The following ZNF723 variants were observed in gnomAD, a reference collection of about 807,000 sequenced individuals.
ZNF723 encodes zinc finger protein 723.
Under a neutral mutation model 9.4 loss-of-function variants are expected in ZNF723, and 5 were observed. That is an observed-to-expected ratio of 0.53 (90% CI 0.28 to 1.12). The LOEUF is 1.12. Ranked by LOEUF, ZNF723 falls within the 50% of genes most tolerant of loss-of-function variation. The pLI is 0.10. For missense variants in ZNF723, 450 were observed against 501.5 expected, an observed-to-expected ratio of 0.90 and a Z score of 0.98; for synonymous variants, 158 against 168.8, an observed-to-expected ratio of 0.94 and a Z score of 0.49.
chr19:22,826,569 C>T, the ZNF723 span, among the ~76,000 whole-genome samples: 72 of 152,204 alleles, frequency 4.7e-4, no homozygotes, highest in Non-Finnish European at 2.1e-4. Context: ...CACTCTCTCA[C>T]ATGGACACAG....
intron 1 of ZNF723, among the ~76,000 whole-genome samples, 156 bp from the exon 2 acceptor site, chr19:22,848,102 TAAA>T (rs35396612): frequency 3.4e-4 from 47 of 137,222 alleles, no homozygotes; most frequent in Non-Finnish European, 4.8e-4. Flanking sequence ...GACTCTGTCT[TAAA>T]AAAAAAAAAA....
At chr19:22,813,595 G>A in the ZNF723 span, among the ~76,000 whole-genome samples, 3 of 151,834 alleles carry the variant, frequency 2.0e-5, no homozygotes, top group Non-Finnish European at 4.4e-5. Flanking sequence ...ACAAAAATTA[G>A]TCAGGCATTG....
Position 22,857,135 on chromosome 19 carries a change from G to A in ZNF723, c.244G>A (p.Ala82Thr). Residue 82 changes from alanine to threonine, a missense_variant, in exon 4 of 4, where the codon GCC becomes ACC. Physicochemically the swap from Ala to Thr is moderately conservative, Grantham distance 58 (BLOSUM62 0). Coordinates refer to ENST00000600766, the MANE Select transcript of ZNF723 (RefSeq NM_001349726.2). The part of the protein sequence containing the change: ...AKPPVVCSHF[A>T]QDLWPEQGIK... ...TTTTTCAGTTGTGTGTTCTCATTTT[G>A]CCCAAGACCTTTGGCCAGAGCAGGG... The A allele has an allele frequency of 1.0e-6, 1 of 985,656 alleles. No homozygotes were observed. Among genetic ancestry groups the A allele is most frequent in the Non-Finnish European group, 1.5e-6 (1 of 666,486 alleles). The allele number at this position is 985,656 out of a possible 1,614,324, so 61.1% of individuals were successfully genotyped here.
rs1477106889 is a variant in ZNF723, at chr19:22,842,220, G to A, written c.4-6041G>A. On this transcript the variant is annotated intron_variant, in intron 1 of 3. Transcript: ENST00000600766. Reference sequence around the variant, plus strand: ...GGGTTTCACTGTGTTGGCCAGGCTGGTGTTGAACTCTTGACCTCAGGTGAT... The same window carrying A: ...GGGTTTCACTGTGTTGGCCAGGCTGATGTTGAACTCTTGACCTCAGGTGAT... 2.0e-5 allele frequency among the ~76,000 whole-genome samples: 3 copies of A among 152,138 alleles called. No individual in the cohort carries two copies. In the South Asian group the frequency reaches 6.2e-4, roughly 32 times the overall value.
rs899546981 is a variant in ZNF723, at chr19:22,858,150, C to T, written c.1259C>T (p.Thr420Ile). The T allele has an allele frequency of 9.1e-6, 13 of 1,422,090 alleles. No homozygotes were observed. In the African/African-American group the frequency reaches 1.5e-4, roughly 17 times the overall value. 88.1% of individuals were successfully genotyped at this position (1,422,090 alleles called of 1,614,324 possible). A position where few individuals can be genotyped will look rare whatever the true frequency, so the allele number is the denominator to read the frequency against. ...CTTACTACACATAAGATAATTCATA[C>T]TGGAGAAAGACCTTACAAATGTAAA... The part of the protein sequence containing the change: ...SALTTHKIIH[T>I]GERPYKCKQC... Residue 420 changes from threonine (T) to isoleucine (I), a missense_variant, in exon 4 of 4, where the codon ACT becomes ATT. Coordinates refer to ENST00000600766, the MANE Select transcript of ZNF723 (RefSeq NM_001349726.2).
intron 3 of ZNF723, among the ~76,000 whole-genome samples, chr19:22,850,879 T>C (rs1459295618): frequency 6.6e-6 from 1 of 152,158 alleles, no homozygotes; most frequent in Non-Finnish European, 1.5e-5. Flanking sequence ...TCCTGAAATA[T>C]AATGTGATCA....
upstream of ZNF723, among the ~76,000 whole-genome samples, chr19:22,829,228 T>TAA (rs3033423): frequency 1.1e-3 from 158 of 140,520 alleles, no homozygotes; most frequent in African/African-American, 3.8e-3. Context: ...TGTTTCTACT[T>TAA]AAAAAAAAAA....
intron 1 of ZNF723, among the ~76,000 whole-genome samples, chr19:22,833,368 G>T (rs1233743916): frequency 6.6e-6 from 1 of 151,926 alleles, no homozygotes; most frequent in Non-Finnish European, 1.5e-5. Flanking sequence ...GGCCAGGATG[G>T]TTTCAAACTC....
the ZNF723 span, among the ~76,000 whole-genome samples, chr19:22,820,778 C>T: frequency 6.6e-6 from 1 of 152,154 alleles, no homozygotes; most frequent in Non-Finnish European, 1.5e-5. Flanking sequence ...CGGTGTTTCT[C>T]ATATGCACAC....
chr19:22,830,755 AT>A (rs1967085070), upstream of ZNF723, among the ~76,000 whole-genome samples: 1 of 151,926 alleles, frequency 6.6e-6, no homozygotes, highest in Non-Finnish European at 1.5e-5. Flanking sequence ...AATTGCAGCA[AT>A]TTTTCTTTTT....
At chr19:22,827,682 C>G (rs1412991751), upstream of ZNF723, among the ~76,000 whole-genome samples, 1 of 152,048 alleles carries the variant, frequency 6.6e-6, no homozygotes, top group Non-Finnish European at 1.5e-5. Flanking sequence ...CTCCTGACCT[C>G]AGGTAATCTG....
chr19:22,813,464 G>A, the ZNF723 span, among the ~76,000 whole-genome samples: 14 of 152,226 alleles, frequency 9.2e-5, no homozygotes, highest in African/African-American at 3.4e-4. Context: ...TCCAAGTAAT[G>A]TAAGTCTTTC....
At chr19:22,856,616 C>G (rs1267449822) in intron 3 of ZNF723, among the ~76,000 whole-genome samples, 2 of 152,196 alleles carry the variant, frequency 1.3e-5, no homozygotes, top group Non-Finnish European at 2.9e-5. Flanking sequence ...TGCAGTTTCT[C>G]TGCTGCTGTA....
At chr19:22,836,377 A>T (rs534499213) in intron 1 of ZNF723, among the ~76,000 whole-genome samples, 1 of 152,318 alleles carries the variant, frequency 6.6e-6, no homozygotes, top group Admixed American at 6.5e-5. Context: ...AGTCAGATTT[A>T]TGTAAAAAAA....
intron 3 of ZNF723, among the ~76,000 whole-genome samples, chr19:22,856,064 A>G (rs145279959): frequency 0.026 from 3,912 of 152,078 alleles, 84 homozygotes; most frequent in Middle Eastern, 0.072. Flanking sequence ...GGTTCAAGCA[A>G]TTCTCCTGCC....
chr19:22,858,458 C>G lies in ZNF723; in HGVS notation c.*25C>G. 1 of 642,790 alleles carries G rather than the reference C, an allele frequency of 1.6e-6. No individual in the cohort carries two copies. Among genetic ancestry groups the G allele is most frequent in the South Asian group, 2.1e-5 (1 of 48,702 alleles). 39.8% of individuals were successfully genotyped at this position (642,790 alleles called of 1,614,324 possible). On this transcript the variant is annotated 3_prime_UTR_variant, in exon 4 of 4. Coordinates refer to ENST00000600766, the MANE Select transcript of ZNF723 (RefSeq NM_001349726.2). ...ACAATGCTTTTTATGAAATCCCAAACTTTTTTAAACATAAAAGAAATGCTG... is the reference window on the plus strand; with the variant it reads ...ACAATGCTTTTTATGAAATCCCAAAGTTTTTTAAACATAAAAGAAATGCTG...
intron 1 of ZNF723, among the ~76,000 whole-genome samples, chr19:22,846,050 G>A (rs1967304286): frequency 6.6e-6 from 1 of 151,940 alleles, no homozygotes; most frequent in Non-Finnish European, 1.5e-5. Context: ...TTTATTGATA[G>A]TCAAGGGTCT....
intron 1 of ZNF723, among the ~76,000 whole-genome samples, chr19:22,836,740 T>C (rs1967173034): frequency 6.6e-6 from 1 of 152,204 alleles, no homozygotes; most frequent in South Asian, 2.1e-4. Flanking sequence ...AATTTTTCTA[T>C]GAGAAAAAGA....
chr19:22,829,720 AT>A (rs1470994156), upstream of ZNF723, among the ~76,000 whole-genome samples: 3 of 146,618 alleles, frequency 2.0e-5, no homozygotes, highest in Non-Finnish European at 3.0e-5. Flanking sequence ...TTCATGTTTA[AT>A]TTTTTTGATA....
Sources: gnomAD v4.1 joint callset for allele counts (sites outside exome capture counted in the v4.1 genomes callset) on GRCh38, gnomAD v4.1.1 for gene constraint, MANE v1.5 for transcripts, NCBI Gene and HGNC (gene_info 2026-07-23, HGNC 2026-07-21) for gene names.